The following HDAC4 variants were observed in gnomAD, a reference collection of about 807,000 sequenced individuals.
HDAC4 encodes the protein histone deacetylase 4.
A neutral mutation model predicts 135.1 loss-of-function variants in HDAC4; 16 were observed. The observed-to-expected ratio is 0.12, with a 90% confidence interval of 0.08 to 0.18. The LOEUF is 0.18. Among genes scored for constraint, HDAC4 ranks in the 10% least tolerant of loss-of-function variants. The pLI, the probability that HDAC4 is intolerant of heterozygous loss-of-function variation, is 1.00. For synonymous variants in HDAC4, 685 were observed against 653.4 expected, an observed-to-expected ratio of 1.05 and a Z score of -0.74; for missense variants, 1,143 against 1,511.8, an observed-to-expected ratio of 0.76 and a Z score of 4.05.
rs199791016 is a variant in HDAC4, at chr2:239,346,621, A to AAC, written c.22+6055_22+6056dup. 2.1e-4 allele frequency among the ~76,000 whole-genome samples: 29 copies of AAC among 135,936 alleles called. No individual in the cohort carries two copies. In the South Asian group the frequency reaches 5.8e-3, roughly 27 times the overall value. The allele number at this position is 135,936 out of a possible 152,430, so 89.2% of individuals were successfully genotyped here. On this transcript the variant is annotated intron_variant, in intron 2 of 26. Transcript: ENST00000543185. ...TGTCTAAAACACACATACACACCTTAACACACACACACTCTGTCTAAAACA... is the reference window on the plus strand; with the variant it reads ...TGTCTAAAACACACATACACACCTTAACACACACACACACTCTGTCTAAAACA...
At chr2:239,196,923 C>T (rs992581247) in intron 3 of HDAC4, among the ~76,000 whole-genome samples, 3 of 152,160 alleles carry the variant, frequency 2.0e-5, no homozygotes, top group African/African-American at 7.2e-5. Flanking sequence ...CTGGTGAGGC[C>T]GGCCCAGACG....
chr2:239,054,890 G>T, intron 24 of HDAC4, 57 bp from the exon 25 acceptor site: 2 of 1,182,574 alleles, frequency 1.7e-6, no homozygotes, highest in Non-Finnish European at 2.5e-6. Flanking sequence ...ACGTGCGTTA[G>T]ACGGGTGTTC....
chr2:239,217,749 C>T (rs534070592), intron 3 of HDAC4, among the ~76,000 whole-genome samples: 2 of 152,270 alleles, frequency 1.3e-5, no homozygotes, highest in African/African-American at 2.4e-5. Flanking sequence ...GGTAAGAAAG[C>T]CCATATCCAA....
At chr2:239,355,498 CA>C (rs1277237947) in intron 1 of HDAC4, among the ~76,000 whole-genome samples, 3 of 152,242 alleles carry the variant, frequency 2.0e-5, no homozygotes, top group African/African-American at 7.2e-5. Flanking sequence ...CTCATCTCAT[CA>C]TCTTCTCACT....
intron 2 of HDAC4, among the ~76,000 whole-genome samples, chr2:239,334,281 AG>A (rs1691772985): frequency 6.6e-6 from 1 of 152,166 alleles, no homozygotes; most frequent in African/African-American, 2.4e-5. Flanking sequence ...GCACTTTGGG[AG>A]GCCGAGGAGG....
chr2:239,163,911 C>A lies in HDAC4; in HGVS notation c.503G>T (p.Ser168Ile). Residue 168 changes from serine to isoleucine, a missense_variant, in exon 6 of 27, where the codon AGC (serine) becomes ATC (isoleucine). Coordinates refer to ENST00000543185, the MANE Select transcript of HDAC4 (RefSeq NM_001378414.1). Reference protein sequence around the residue: ...KEKGKESAVASTEVKMKLQEF... With the variant: ...KEKGKESAVAITEVKMKLQEF... ...TTGTAACTTCATCTTCACTTCTGTG[C>A]TGGCCACGGCACCTGGCGTGGGAGA... is the stretch of plus-strand genomic sequence containing the variant. 6.2e-7 allele frequency: 1 copy of A among 1,614,092 alleles called. No homozygotes were observed. The highest frequency in any genetic ancestry group is 2.2e-5 in the East Asian group (1 of 44,856).
intron 6 of HDAC4, among the ~76,000 whole-genome samples, chr2:239,163,404 C>T (rs1322810031): frequency 2.0e-5 from 3 of 152,202 alleles, no homozygotes; most frequent in Non-Finnish European, 2.9e-5. Context: ...TGCAGGGGGG[C>T]CCACTCCCAT....
Position 239,053,020 on chromosome 2 carries a change from C to A in HDAC4, c.*77G>T. 6.4e-7 allele frequency: 1 copy of A among 1,554,666 alleles called. No homozygotes were observed. Among genetic ancestry groups the A allele is most frequent in the Non-Finnish European group, 8.9e-7 (1 of 1,125,834 alleles). On this transcript the variant is annotated 3_prime_UTR_variant, in exon 27 of 27. Coordinates refer to ENST00000543185, the MANE Select transcript of HDAC4 (RefSeq NM_001378414.1). ...AGAGAGCCCCACGGTGGGACGCAGG[C>A]GTGACACGGGAAAGTTTCTTGGCTG...
chr2:239,169,836 G>C (rs1559548572), intron 5 of HDAC4, among the ~76,000 whole-genome samples: 1 of 152,102 alleles, frequency 6.6e-6, no homozygotes, highest in Non-Finnish European at 1.5e-5. Context: ...CAAGGCCTCT[G>C]CAGCCATGTC....
chr2:239,121,953 T>C lies in HDAC4; in HGVS notation c.1533+4503A>G, dbSNP rs147914020. Among the ~76,000 whole-genome samples the C allele has an allele frequency of 2.5e-3, 374 of 152,276 alleles. 5 individuals carry two copies. The highest frequency in any genetic ancestry group is 8.2e-3 in the African/African-American group (341 of 41,552). ...GGTGAGCCGGACGCGGGCAAACAAT[T>C]GAAGCAGCTCTGTGCAGCCCGAAGG... On this transcript the variant is annotated intron_variant, in intron 12 of 26. Transcript: ENST00000543185.
chr2:239,131,953 G>C (rs377407684), intron 11 of HDAC4, among the ~76,000 whole-genome samples: 30 of 152,336 alleles, frequency 2.0e-4, no homozygotes, highest in East Asian at 1.5e-3. Context: ...GGACAGACCG[G>C]AGGGGAGGAA....
intron 2 of HDAC4, among the ~76,000 whole-genome samples, chr2:239,315,684 G>C (rs1318769346): frequency 6.6e-6 from 1 of 152,122 alleles, no homozygotes; most frequent in Non-Finnish European, 1.5e-5. Flanking sequence ...AACAGTACTG[G>C]AGACAATTGG....
At chr2:239,074,593 C>T (rs536140647) in intron 22 of HDAC4, among the ~76,000 whole-genome samples, 1 of 152,342 alleles carries the variant, frequency 6.6e-6, no homozygotes, top group Non-Finnish European at 1.5e-5. Flanking sequence ...ATGCACGTGC[C>T]CACACACTCA....
chr2:239,340,939 C>G (rs1279706722), intron 2 of HDAC4, among the ~76,000 whole-genome samples: 2 of 152,186 alleles, frequency 1.3e-5, no homozygotes, highest in Admixed American at 6.5e-5. Flanking sequence ...CACTGCAGCA[C>G]CCACTAAACA....
chr2:239,282,942 T>G (rs923432287), intron 2 of HDAC4, among the ~76,000 whole-genome samples: 3 of 150,958 alleles, frequency 2.0e-5, no homozygotes, highest in East Asian at 4.0e-4. Context: ...CTGCAAACAA[T>G]GTACACACCA....
chr2:239,237,463 A>C (rs914269186), intron 2 of HDAC4, among the ~76,000 whole-genome samples: 2 of 151,996 alleles, frequency 1.3e-5, no homozygotes, highest in African/African-American at 2.4e-5. Context: ...TTGCACGCGG[A>C]GGTCATTTTC....
At chr2:239,241,930 T>C (rs760456584) in intron 2 of HDAC4, among the ~76,000 whole-genome samples, 38 of 152,120 alleles carry the variant, frequency 2.5e-4, no homozygotes, top group Non-Finnish European at 4.1e-4. Context: ...AACTGTACAA[T>C]AACTCTTAAT....
chr2:239,340,767 G>GCAGTCCTCGGCCCAAGTC (rs369380672), intron 2 of HDAC4, among the ~76,000 whole-genome samples: 32 of 152,266 alleles, frequency 2.1e-4, no homozygotes, highest in African/African-American at 7.5e-4. Flanking sequence ...TCTGTGCCCT[G>GCAGTCCTCGGCCCAAGTC]CAGTCCTCGG....
chr2:239,335,512 A>C (rs1473006429), intron 2 of HDAC4, among the ~76,000 whole-genome samples: 1 of 127,714 alleles, frequency 7.8e-6, no homozygotes, highest in African/African-American at 4.8e-5. Flanking sequence ...GTTCAGCAAA[A>C]AAAAAAAAAA....
Sources: gnomAD v4.1 joint callset for allele counts (sites outside exome capture counted in the v4.1 genomes callset) on GRCh38, gnomAD v4.1.1 for gene constraint, MANE v1.5 for transcripts, NCBI Gene and HGNC (gene_info 2026-07-23, HGNC 2026-07-21) for gene names.